CDH18: variants seen among roughly 807,000 people sequenced by gnomAD.
CDH18 encodes the protein cadherin-18.
In CDH18, 31 loss-of-function variants were observed where a neutral mutation model predicts 67.9. The observed-to-expected ratio is 0.46, with a 90% confidence interval of 0.34 to 0.62. The LOEUF (loss-of-function observed/expected upper bound fraction) is 0.62. Ranked by LOEUF, CDH18 falls within the 20% of genes least tolerant of loss-of-function variation. The pLI, the probability that CDH18 is intolerant of heterozygous loss-of-function variation, is 0.01. For missense variants in CDH18, 890 were observed against 975.5 expected (o/e 0.91, Z 1.17); for synonymous variants, 362 against 347.2 (o/e 1.04, Z -0.48).
rs796125320 is a variant in CDH18 at position 20,111,538 on chromosome 5, C to CTTT, written c.-517-119525_-517-119524insAAA. 1.6e-3 allele frequency among the ~76,000 whole-genome samples: 195 copies of CTTT among 121,210 alleles called. 1 individual carries two copies. Among genetic ancestry groups the CTTT allele is most frequent in the African/African-American group, 5.2e-3 (179 of 34,370 alleles). The allele number at this position is 121,210 out of a possible 152,430, so 79.5% of individuals were successfully genotyped here. A position where few individuals can be genotyped will look rare whatever the true frequency, so the allele number is the denominator to read the frequency against. ...CCCTCCCTCCCTCCCTTCCTTCCTT[C>CTTT]CTTCTTTCTTTTTTTTTTTTTTTTT... On this transcript the variant is annotated intron_variant, in intron 2 of 14. Coordinates refer to the CDH18 transcript ENST00000507958.
intron 2 of CDH18, among the ~76,000 whole-genome samples, chr5:20,240,771 C>T (rs1196782679): frequency 3.3e-5 from 5 of 152,260 alleles, no homozygotes; most frequent in Admixed American, 6.5e-5. Flanking sequence ...CTATTAAAGG[C>T]TCAGTAAGCT....
intron 2 of CDH18, among the ~76,000 whole-genome samples, chr5:19,853,364 T>A (rs1360579080): frequency 6.6e-6 from 1 of 152,108 alleles, no homozygotes; most frequent in African/African-American, 2.4e-5. Context: ...CATTTAACCA[T>A]AATTACTTGC....
At chr5:20,415,647 C>T (rs909730297) in intron 1 of CDH18, among the ~76,000 whole-genome samples, 3 of 151,722 alleles carry the variant, frequency 2.0e-5, no homozygotes, top group Non-Finnish European at 2.9e-5. Flanking sequence ...GTGGTGGGCA[C>T]CTGCAGTCCC....
intron 1 of CDH18, among the ~76,000 whole-genome samples, chr5:20,308,414 G>T (rs557850905): frequency 6.6e-6 from 1 of 151,928 alleles, no homozygotes; most frequent in African/African-American, 2.4e-5. Context: ...GTGGCGGCAG[G>T]TGCCTGTACT....
intron 2 of CDH18, among the ~76,000 whole-genome samples, chr5:19,963,788 G>C: frequency 6.6e-6 from 1 of 151,980 alleles, no homozygotes; most frequent in East Asian, 2.0e-4. Flanking sequence ...AAGTTTAATC[G>C]ACTCACAGTT....
intron 9 of CDH18, among the ~76,000 whole-genome samples, chr5:19,539,832 G>A (rs1749967981): frequency 6.6e-6 from 1 of 152,240 alleles, no homozygotes; most frequent in African/African-American, 2.4e-5. Context: ...CACAACATGT[G>A]GAAATTATGG....
At chr5:20,170,656 G>A (rs1390459296) in intron 2 of CDH18, among the ~76,000 whole-genome samples, 1 of 151,930 alleles carries the variant, frequency 6.6e-6, no homozygotes, top group Non-Finnish European at 1.5e-5. Flanking sequence ...TGTTTAGTTA[G>A]GTTTTCCCCT....
intron 1 of CDH18, among the ~76,000 whole-genome samples, chr5:20,507,550 A>T (rs1754733097): frequency 6.6e-6 from 1 of 152,208 alleles, no homozygotes; most frequent in Admixed American, 6.5e-5. Context: ...ATGAAGAAAT[A>T]ACTGGAAAGA....
At chr5:20,332,092 T>C (rs994083611) in intron 1 of CDH18, among the ~76,000 whole-genome samples, 1 of 152,204 alleles carries the variant, frequency 6.6e-6, no homozygotes, top group African/African-American at 2.4e-5. Context: ...CATACTTATC[T>C]GAGCTTACTT....
chr5:19,630,860 G>T (rs951252709), intron 5 of CDH18, among the ~76,000 whole-genome samples: 6 of 152,204 alleles, frequency 3.9e-5, no homozygotes, highest in African/African-American at 1.4e-4. Context: ...TATAGAGCAA[G>T]ACCTGAACTA....
chr5:20,514,433 C>A (rs1755233691), intron 1 of CDH18, among the ~76,000 whole-genome samples: 1 of 152,052 alleles, frequency 6.6e-6, no homozygotes, highest in African/African-American at 2.4e-5. Flanking sequence ...CAAGCTTGGT[C>A]GTCATGCTTT....
intron 2 of CDH18, among the ~76,000 whole-genome samples, chr5:19,931,860 G>T (rs1793734365): frequency 6.6e-6 from 1 of 151,296 alleles, no homozygotes; most frequent in African/African-American, 2.4e-5. Flanking sequence ...GGCTTTTTGA[G>T]TGTTCATCTC....
In CDH18 at chr5:20,034,957, G is replaced by A. The variant is rs1402573477; in HGVS notation, c.-517-42943C>T. On this transcript the variant is annotated intron_variant, in intron 2 of 14. Transcript: ENST00000507958. ...AGGAACTTTATATTAAAGCATGTAA[G>A]GTTGACTTGCATAACCAATAAATGT... Among the ~76,000 whole-genome samples, 4 of 152,030 alleles carry A rather than the reference G, an allele frequency of 2.6e-5. No individual in the cohort carries two copies. In the South Asian group the frequency reaches 6.2e-4, roughly 24 times the overall value.
chr5:20,561,662 A>G (rs572737596), intron 1 of CDH18, among the ~76,000 whole-genome samples: 1 of 152,062 alleles, frequency 6.6e-6, no homozygotes, highest in African/African-American at 2.4e-5. Flanking sequence ...GTATGATTCT[A>G]TAATAGTGAA....
intron 3 of CDH18, among the ~76,000 whole-genome samples, chr5:19,764,785 T>C (rs1772860154): frequency 6.6e-6 from 1 of 152,130 alleles, no homozygotes; most frequent in African/African-American, 2.4e-5. Flanking sequence ...TTTACCACTC[T>C]TTGTCAGTAT....
intron 2 of CDH18, among the ~76,000 whole-genome samples, chr5:19,930,105 T>C (rs1793518170): frequency 6.6e-6 from 1 of 152,056 alleles, no homozygotes; most frequent in South Asian, 2.1e-4. Context: ...ATTTAATCTT[T>C]AAAGAACCTT....
At chr5:20,414,188 C>T (rs1747069782) in intron 1 of CDH18, among the ~76,000 whole-genome samples, 1 of 152,152 alleles carries the variant, frequency 6.6e-6, no homozygotes, top group African/African-American at 2.4e-5. Context: ...AATCTGATTA[C>T]TGGGAAAATA....
intron 2 of CDH18, among the ~76,000 whole-genome samples, chr5:20,080,737 A>G (rs2150542084): frequency 6.6e-6 from 1 of 150,774 alleles, no homozygotes; most frequent in African/African-American, 2.4e-5. Context: ...GGGAGAGAGG[A>G]GGAGGGGGAA....
At chr5:19,635,260 G>C (rs984178726) in intron 5 of CDH18, among the ~76,000 whole-genome samples, 4 of 152,152 alleles carry the variant, frequency 2.6e-5, no homozygotes, top group South Asian at 2.1e-4. Context: ...TCTAATCACA[G>C]TTGCCTGTAG....
Sources: allele counts gnomAD v4.1 joint callset (sites outside exome capture counted in the v4.1 genomes callset), GRCh38; gene constraint gnomAD v4.1.1; transcripts MANE v1.5; gene names NCBI Gene and HGNC (gene_info 2026-07-23, HGNC 2026-07-21).